Variants in NSRP1 observed in about 807,000 individuals in gnomAD.
The protein encoded by NSRP1 is nuclear speckle splicing regulatory protein 1.
Under a neutral mutation model 54.7 loss-of-function variants are expected in NSRP1, and 24 were observed. That is an observed-to-expected ratio of 0.44 (90% CI 0.32 to 0.62). The LOEUF is 0.62. NSRP1 is among the 20% of genes least tolerant of loss of function. The pLI, the probability that NSRP1 is intolerant of heterozygous loss-of-function variation, is 0.06. For synonymous variants in NSRP1, 210 were observed against 213.8 expected (o/e 0.98, Z 0.15); for missense variants, 596 against 651.2 (o/e 0.92, Z 0.92).
rs368093095 is a variant in NSRP1, at chr17:30,133,902, A to T, written c.114+15729A>T. On this transcript the variant is annotated intron_variant, in intron 2 of 6. Coordinates refer to ENST00000247026, the MANE Select transcript of NSRP1 (RefSeq NM_032141.4). ...GAGTAGCAACTTTTAATTTCCTTCC[A>T]TAACTTTTCCTTTGCATTCAGAACT... 3.9e-5 allele frequency among the ~76,000 whole-genome samples: 6 copies of T among 152,238 alleles called. No individual in the cohort carries two copies. In the East Asian group the frequency reaches 9.6e-4, roughly 24 times the overall value.
intron 2 of NSRP1, among the ~76,000 whole-genome samples, chr17:30,139,625 C>T (rs2151886619): frequency 6.7e-6 from 1 of 149,176 alleles, no homozygotes; most frequent in Non-Finnish European, 1.5e-5. Flanking sequence ...TGCTCTCCCT[C>T]TTTTTTTTTT....
chr17:30,125,856 C>G (rs765546482), intron 2 of NSRP1: 1 of 152,224 alleles, frequency 6.6e-6, no homozygotes, highest in East Asian at 1.9e-4. Flanking sequence ...CCTAGTAGAT[C>G]CTCTTTTTCA....
At chr17:30,176,107 GTT>G (rs112491522) in intron 3 of NSRP1, among the ~76,000 whole-genome samples, 339 of 32,510 alleles carry the variant, frequency 0.01, no homozygotes, top group East Asian at 0.05. Context: ...TGTTGTTGTT[GTT>G]TTGTTTTGTT....
intron 2 of NSRP1, among the ~76,000 whole-genome samples, chr17:30,171,981 CTCTCTCTCTCT>C (rs1567804416): frequency 1.0e-4 from 10 of 96,398 alleles, no homozygotes; most frequent in African/African-American, 3.2e-4. Context: ...CACTCCCTCT[CTCTCTCTCTCT>C]CTCTCTCTCT....
chr17:30,163,249 T>TGTGTGTGTG (rs1567801752), intron 2 of NSRP1: 20 of 113,804 alleles, frequency 1.8e-4, no homozygotes, highest in African/African-American at 8.4e-4. Context: ...GTGTGTGTGT[T>TGTGTGTGTG]TTTAGTAGAG....
intron 2 of NSRP1, among the ~76,000 whole-genome samples, chr17:30,145,589 A>G (rs1286639420): frequency 6.6e-6 from 1 of 152,112 alleles, no homozygotes; most frequent in Non-Finnish European, 1.5e-5. Flanking sequence ...CTCAAAAAAA[A>G]TTATTTCACT....
chr17:30,168,614 AAAAT>A (rs1201658634), intron 2 of NSRP1, among the ~76,000 whole-genome samples: 6 of 149,168 alleles, frequency 4.0e-5, no homozygotes, highest in Admixed American at 1.3e-4. Context: ...AATAATAAAT[AAAAT>A]AAAATAAGTA....
chr17:30,152,877 A>ATTTT (rs1567798285), intron 2 of NSRP1, among the ~76,000 whole-genome samples: 1 of 52,330 alleles, frequency 1.9e-5, no homozygotes, highest in African/African-American at 8.0e-5. Flanking sequence ...TGCCTTTTGT[A>ATTTT]TTTTTTCCCA....
At chr17:30,120,780 G>GAT (rs2071589924) in intron 2 of NSRP1, among the ~76,000 whole-genome samples, 1 of 152,190 alleles carries the variant, frequency 6.6e-6, no homozygotes. Flanking sequence ...CCATGTGGCT[G>GAT]ATAAATAAGT....
chr17:30,131,970 C>T (rs913106926), intron 2 of NSRP1, among the ~76,000 whole-genome samples: 16 of 152,140 alleles, frequency 1.1e-4, no homozygotes, highest in Non-Finnish European at 1.9e-4. Flanking sequence ...AGTGCAAGGC[C>T]AGGCGCGGTG....
chr17:30,177,088 GC>G (rs1036701643), intron 3 of NSRP1, among the ~76,000 whole-genome samples: 3 of 152,162 alleles, frequency 2.0e-5, no homozygotes, highest in African/African-American at 7.2e-5. Flanking sequence ...AAACGCCCAT[GC>G]CTGGCATGGT....
At chr17:30,117,672 C>G (rs1206689507) in intron 1 of NSRP1, among the ~76,000 whole-genome samples, 1 of 151,896 alleles carries the variant, frequency 6.6e-6, no homozygotes, top group African/African-American at 2.4e-5. Flanking sequence ...AAAAATCTAG[C>G]CATTTTCTTG....
At chr17:30,143,750 C>G (rs2071827040) in intron 2 of NSRP1, among the ~76,000 whole-genome samples, 1 of 152,078 alleles carries the variant, frequency 6.6e-6, no homozygotes, top group South Asian at 2.1e-4. Flanking sequence ...TTCACTAAAG[C>G]TTATTAAATA....
At chr17:30,163,187 TTTTGTGTGTGTGTGTGTG>T (rs1567801674) in intron 2 of NSRP1, 1 of 124,446 alleles carries the variant, frequency 8.0e-6, no homozygotes, top group Non-Finnish European at 1.7e-5. Flanking sequence ...ATCCGGCTAA[TTTTGTGTGTGTGTGTGTG>T]TGTGTGTGTG....
chr17:30,132,619 C>T (rs531233485), intron 2 of NSRP1, among the ~76,000 whole-genome samples: 1 of 152,332 alleles, frequency 6.6e-6, no homozygotes, highest in South Asian at 2.1e-4. Flanking sequence ...CAAGTTTTAT[C>T]ATGAGATTGT....
At chr17:30,152,141 A>T (rs552292101) in intron 2 of NSRP1, among the ~76,000 whole-genome samples, 37 of 149,492 alleles carry the variant, frequency 2.5e-4, no homozygotes, top group South Asian at 4.2e-4. Flanking sequence ...TTTTTTTTTT[A>T]AAACAGAGTC....
intron 3 of NSRP1, chr17:30,177,817 C>T (rs1286309845): frequency 8.2e-6 from 4 of 490,750 alleles, no homozygotes; most frequent in African/African-American, 7.9e-5. Flanking sequence ...AGTCATTATT[C>T]TTTCTCTTCT....
rs1904996050 is a variant in NSRP1 at position 30,172,675 on chromosome 17, G to T, written c.171+77G>T. On this transcript the variant is annotated intron_variant, in intron 3 of 6. Transcript: ENST00000247026. ...TTTAAGCATCAGTTTTGGTATCTAG[G>T]TGCTGAGACTAAAACAGAATAGATT... The T allele has an allele frequency of 1.1e-5, 13 of 1,132,868 alleles. No homozygotes were observed. In the East Asian group the frequency reaches 3.0e-4, roughly 26 times the overall value. The allele number at this position is 1,132,868 out of a possible 1,614,324, so 70.2% of individuals were successfully genotyped here.
At chr17:30,172,248 G>A (rs1191950997) in intron 2 of NSRP1, among the ~76,000 whole-genome samples, 2 of 152,034 alleles carry the variant, frequency 1.3e-5, no homozygotes, top group African/African-American at 4.8e-5. Flanking sequence ...TTAACTATAA[G>A]TAAGGCACCA....
Sources: gnomAD v4.1 joint callset for allele counts (sites outside exome capture counted in the v4.1 genomes callset) on GRCh38, gnomAD v4.1.1 for gene constraint, MANE v1.5 for transcripts, NCBI Gene and HGNC (gene_info 2026-07-23, HGNC 2026-07-21) for gene names.